The following KCNH5 variants were observed in gnomAD, a reference collection of about 807,000 sequenced individuals.
KCNH5 encodes potassium voltage-gated channel subfamily H member 5, also known as voltage-gated delayed rectifier potassium channel KCNH5.
A neutral mutation model predicts 96.1 loss-of-function variants in KCNH5; 46 were observed. The ratio of observed to expected loss-of-function variants is 0.48; its 90% CI spans 0.38 to 0.61. The LOEUF (loss-of-function observed/expected upper bound fraction) is 0.61, where lower values mean the gene tolerates loss of function less well. Ranked by LOEUF, KCNH5 falls within the 20% of genes least tolerant of loss-of-function variation. The pLI, the probability that KCNH5 is intolerant of heterozygous loss-of-function variation, is 0.00. For synonymous variants in KCNH5, 439 were observed against 449.8 expected (o/e 0.98, Z 0.30); for missense variants, 907 against 1,225.8 (o/e 0.74, Z 3.88).
At chr14:62,776,947 A>G (rs1886110299) in intron 10 of KCNH5, among the ~76,000 whole-genome samples, 1 of 152,226 alleles carries the variant, frequency 6.6e-6, no homozygotes, top group Non-Finnish European at 1.5e-5. Context: ...GTACCATGCC[A>G]TGGCTGACAA....
At chr14:63,031,111 A>T (rs1891617384) in intron 1 of KCNH5, among the ~76,000 whole-genome samples, 1 of 152,008 alleles carries the variant, frequency 6.6e-6, no homozygotes, top group Non-Finnish European at 1.5e-5. Context: ...CCAATATAGG[A>T]AAAGAGTATC....
intron 7 of KCNH5, among the ~76,000 whole-genome samples, chr14:62,944,707 C>T (rs759282912): frequency 1.2e-4 from 19 of 152,192 alleles, no homozygotes; most frequent in Non-Finnish European, 2.2e-4. Context: ...TACTATAACA[C>T]TTCATGAATC....
chr14:62,808,801 C>T (rs960235722), intron 8 of KCNH5, among the ~76,000 whole-genome samples: 3 of 152,054 alleles, frequency 2.0e-5, no homozygotes, highest in Non-Finnish European at 4.4e-5. Flanking sequence ...TCAATTGTGG[C>T]TTTAATTGTG....
At chr14:62,802,751 A>G (rs1282419968) in intron 8 of KCNH5, among the ~76,000 whole-genome samples, 170 bp from the exon 9 acceptor site, 2 of 152,186 alleles carry the variant, frequency 1.3e-5, no homozygotes, top group African/African-American at 4.8e-5. Flanking sequence ...GCTCTCAAGG[A>G]GGTAATAATC....
intron 9 of KCNH5, among the ~76,000 whole-genome samples, chr14:62,800,768 G>A (rs941664524): frequency 1.3e-5 from 2 of 152,066 alleles, no homozygotes; most frequent in Admixed American, 6.5e-5. Context: ...TTTACAGAGT[G>A]TAAATATGCT....
chr14:62,975,291 G>A (rs1377799197), intron 6 of KCNH5, among the ~76,000 whole-genome samples: 1 of 152,126 alleles, frequency 6.6e-6, no homozygotes, highest in Non-Finnish European at 1.5e-5. Context: ...AGCTGCTTGG[G>A]AATGATGCAG....
intron 8 of KCNH5, among the ~76,000 whole-genome samples, chr14:62,840,624 G>A (rs945149344): frequency 1.7e-5 from 2 of 119,158 alleles, no homozygotes; most frequent in Non-Finnish European, 3.2e-5. Flanking sequence ...AGGCTGGAGT[G>A]CAGTGGCACA....
At chr14:62,717,802 G>A (rs7158523) in intron 10 of KCNH5, among the ~76,000 whole-genome samples, 144,043 of 152,294 alleles carry the variant, frequency 0.95, 68,580 homozygotes, top group East Asian at 1. Flanking sequence ...GGACTTCATC[G>A]AAATTAAAAA....
intron 8 of KCNH5, among the ~76,000 whole-genome samples, chr14:62,825,485 C>T (rs2140022053): frequency 6.6e-6 from 1 of 151,952 alleles, no homozygotes; most frequent in East Asian, 1.9e-4. Flanking sequence ...AGTCTAATTT[C>T]CTTCCAGAAG....
Position 62,981,138 on chromosome 14 carries a change from A to G in KCNH5, c.676T>C (p.Phe226Leu), listed in dbSNP as rs772687794. The change falls in exon 6 of 11, where the codon TTC (phenylalanine) becomes CTC (leucine). Residue 226 changes from phenylalanine to leucine, a missense_variant. This residue lies in a region of KCNH5 where 370 missense variants were observed against 561.3 expected (regional missense o/e 0.66). Transcript: ENST00000322893. ...TWDWVILILT[F>L]YTAIMVPYNV... Reference sequence around the variant, plus strand: ...TAAGGAACCATAATGGCGGTGTAGAAGGTAAGAATTAAAATCACCCAATCC... The same window carrying G: ...TAAGGAACCATAATGGCGGTGTAGAGGGTAAGAATTAAAATCACCCAATCC... 6.2e-7 allele frequency: 1 copy of G among 1,614,088 alleles called. No individual in the cohort carries two copies. The highest frequency in any genetic ancestry group is 1.3e-5 in the African/African-American group (1 of 74,942).
intron 6 of KCNH5, 52 bp from the exon 7 acceptor site, chr14:62,950,611 G>A (rs1160951543): frequency 1.3e-5 from 18 of 1,413,222 alleles, no homozygotes; most frequent in Non-Finnish European, 1.6e-5. Context: ...GAAAAAAAAA[G>A]GCTGGGGAAA....
At chr14:62,711,995 G>A (rs572072287) in intron 10 of KCNH5, among the ~76,000 whole-genome samples, 4 of 152,276 alleles carry the variant, frequency 2.6e-5, no homozygotes, top group Admixed American at 2.6e-4. Flanking sequence ...AGGTCCTGAA[G>A]TAGATCCCCC....
At position 62,708,185 on chromosome 14, in the gene KCNH5, A is replaced by G. The variant is rs371609247; in HGVS notation, c.2290T>C (p.Ser764Pro). 6.2e-6 allele frequency: 10 copies of G among 1,614,104 alleles called. No homozygotes were observed. The highest frequency in any genetic ancestry group is 8.5e-6 in the Non-Finnish European group (10 of 1,180,054). Residue 764 changes from serine (S) to proline (P), a missense_variant, in exon 11 of 11, where the codon TCT becomes CCT. Around this residue, in one of 6 missense-constraint regions of KCNH5, gnomAD observed 362 missense variants for 394.4 expected, o/e 0.92. Transcript: ENST00000322893. ...TCACTGGTTTTCACATAGGCCAGAG[A>G]CGTCTGAATGGGAGTAATCTGTGAC... ...TVSQITPIQT[S>P]LAYVKTSESL...
intron 7 of KCNH5, among the ~76,000 whole-genome samples, chr14:62,885,644 T>A (rs1888581311): frequency 6.6e-6 from 1 of 152,214 alleles, no homozygotes; most frequent in African/African-American, 2.4e-5. Context: ...ACAGTGGGAA[T>A]ACAAGATGAA....
Position 62,718,145 on chromosome 14 carries a change from TA to T in KCNH5, c.2020-9691del, listed in dbSNP as rs1197906921. Among the ~76,000 whole-genome samples the T allele has an allele frequency of 3.9e-5, 6 of 152,234 alleles. No individual in the cohort carries two copies. In the East Asian group the frequency reaches 9.7e-4, roughly 24 times the overall value. On this transcript the variant is annotated intron_variant, in intron 10 of 10. Coordinates refer to ENST00000322893, the MANE Select transcript of KCNH5 (RefSeq NM_139318.5). Reference sequence around the variant, plus strand: ...AGAAGGGAGGCAAGGGGGCAAGGGTTAAAAAATTAATTATTGTGTGGTTTTT... The same window carrying T: ...AGAAGGGAGGCAAGGGGGCAAGGGTTAAAAATTAATTATTGTGTGGTTTTT...
chr14:62,914,665 A>C (rs1038430605), intron 7 of KCNH5, among the ~76,000 whole-genome samples: 1 of 152,180 alleles, frequency 6.6e-6, no homozygotes, highest in African/African-American at 2.4e-5. Context: ...CCACCATGTG[A>C]GGACAAAACT....
chr14:62,830,342 G>A (rs1396038693), intron 8 of KCNH5, among the ~76,000 whole-genome samples: 1 of 152,148 alleles, frequency 6.6e-6, no homozygotes, highest in African/African-American at 2.4e-5. Context: ...CTTTATAGTA[G>A]TACCTCACTC....
chr14:62,708,450 G>A lies in KCNH5; in HGVS notation c.2025C>T (p.Ile675=), dbSNP rs41285518. The A allele has an allele frequency of 6.3e-7, 1 of 1,586,422 alleles. No homozygotes were observed. Among genetic ancestry groups the A allele is most frequent in the Non-Finnish European group, 8.6e-7 (1 of 1,166,934 alleles). Reference sequence around the variant, plus strand: ...TCTTCACATCACTGATCTTACGAAAGATGATCTGTGGAACGGGAGAGATAG... The same window carrying A: ...TCTTCACATCACTGATCTTACGAAAAATGATCTGTGGAACGGGAGAGATAG... ...TLTCNLRKRI[I]FRKISDVKKE... Residue 675 remains isoleucine, a synonymous_variant, in exon 11 of 11, where the codon ATC becomes ATT. Transcript: ENST00000322893.
chr14:62,924,969 T>C (rs1431738595), intron 7 of KCNH5, among the ~76,000 whole-genome samples: 2 of 151,938 alleles, frequency 1.3e-5, no homozygotes, highest in Non-Finnish European at 2.9e-5. Context: ...ACCACACACA[T>C]AAACATAAAA....
Sources: gnomAD v4.1 joint callset for allele counts (sites outside exome capture counted in the v4.1 genomes callset) on GRCh38, gnomAD v4.1.1 for gene constraint, gnomAD v4.1.1 regional missense constraint, MANE v1.5 for transcripts, NCBI Gene and HGNC (gene_info 2026-07-23, HGNC 2026-07-21) for gene names.